Variants in KALRN observed in about 807,000 individuals in gnomAD.
KALRN encodes the protein kalirin RhoGEF kinase.
In KALRN, 70 loss-of-function variants were observed where a neutral mutation model predicts 353.7. That is an observed-to-expected ratio of 0.20 (90% CI 0.16 to 0.24). The LOEUF is 0.24. KALRN is among the 10% of genes least tolerant of loss of function. The pLI is 1.00. For synonymous variants in KALRN, 1,391 were observed against 1,434.8 expected (o/e 0.97, Z 0.69); for missense variants, 2,791 against 3,756.7 (o/e 0.74, Z 6.72).
In KALRN at chr3:124,723,447, T is replaced by A. The variant is rs1419530667; in HGVS notation, c.*3977T>A. ...AGGGAGGACATTAATCTTACAGGAA[T>A]GTTGAGAAATAACCTTGGTGGGGAC... On this transcript the variant is annotated 3_prime_UTR_variant, in exon 60 of 60. Transcript: ENST00000682506. The A allele has an allele frequency of 6.6e-6, 1 of 152,180 alleles. No homozygotes were observed. The highest frequency in any genetic ancestry group is 1.9e-4 in the East Asian group (1 of 5,196). The allele number at this position is 152,180 out of a possible 1,614,324, so 9.4% of individuals were successfully genotyped here. A position where few individuals can be genotyped will look rare whatever the true frequency, so the allele number is the denominator to read the frequency against.
intron 1 of KALRN, among the ~76,000 whole-genome samples, chr3:124,219,329 T>C (rs2077650046): frequency 6.6e-6 from 1 of 152,194 alleles, no homozygotes; most frequent in South Asian, 2.1e-4. Flanking sequence ...CAGATGGTGA[T>C]TGAGCAGTTA....
At chr3:124,676,040 A>C (rs1331533127) in intron 49 of KALRN, among the ~76,000 whole-genome samples, 1 of 152,168 alleles carries the variant, frequency 6.6e-6, no homozygotes, top group Non-Finnish European at 1.5e-5. Context: ...CTTTTAGGTA[A>C]GCCTTGGGAT....
chr3:124,439,196 T>TCACACACA (rs1491034990), intron 18 of KALRN, among the ~76,000 whole-genome samples, 159 bp downstream of exon 18: 2 of 79,234 alleles, frequency 2.5e-5, no homozygotes, highest in African/African-American at 1.0e-4. Context: ...CTTCTCTCTC[T>TCACACACA]CTCTCACACA....
At chr3:124,384,705 G>A (rs2087932349) in intron 10 of KALRN, 140 bp from the exon 11 acceptor site, 5 of 758,134 alleles carry the variant, frequency 6.6e-6, no homozygotes, top group South Asian at 2.4e-5. Context: ...TGCCAGCTCC[G>A]CGCACCGCGC....
intron 8 of KALRN, among the ~76,000 whole-genome samples, chr3:124,331,169 A>G (rs1317375446): frequency 6.6e-6 from 1 of 152,226 alleles, no homozygotes; most frequent in Non-Finnish European, 1.5e-5. Flanking sequence ...AAGGTAATGC[A>G]TGACAATTCA....
In KALRN at chr3:124,430,810, C is replaced by T. The variant is rs79193285; in HGVS notation, c.2829+35C>T. 0.01 allele frequency: 16,079 copies of T among 1,601,736 alleles called. 1,291 individuals carry two copies. The African/African-American group carries it at 0.18, about 18-fold the overall frequency. On this transcript the variant is annotated intron_variant, in intron 16 of 59. Transcript: ENST00000682506. The stretch of plus-strand genomic sequence containing the variant: ...AAATCTGGCTGCACTGTCCTCCCTT[C>T]GCCTTTCTGCTCTGTACCTCAGGCA...
rs1323919334 is a variant in KALRN at position 124,334,915 on chromosome 3, C to T, written c.1647+420C>T. 2.0e-5 allele frequency among the ~76,000 whole-genome samples: 3 copies of T among 152,210 alleles called. No individual in the cohort carries two copies. The highest frequency in any genetic ancestry group is 4.4e-5 in the Non-Finnish European group (3 of 68,040). ...GTTCAAGCGATTCTTGTTCCTCAGC[C>T]TCCCAAGTAGCTGGGATTAACCGCA... On this transcript the variant is annotated intron_variant, in intron 9 of 59. Coordinates refer to ENST00000682506, the MANE Select transcript of KALRN (RefSeq NM_001388419.1). The surrounding 1 kb of genome is among the most constrained non-coding windows in gnomAD (Gnocchi z 4.2).
intron 28 of KALRN, among the ~76,000 whole-genome samples, chr3:124,484,667 A>G (rs1469143414): frequency 1.3e-5 from 2 of 152,238 alleles, no homozygotes; most frequent in East Asian, 3.8e-4. Flanking sequence ...TTTAGATGAC[A>G]GCTGCATAGG....
chr3:124,350,274 C>A (rs1013178875), intron 10 of KALRN, among the ~76,000 whole-genome samples: 3 of 152,230 alleles, frequency 2.0e-5, no homozygotes, highest in African/African-American at 7.2e-5. Context: ...AATGCCTTTC[C>A]ATCAGCGGCA....
chr3:124,539,657 A>G lies in KALRN; in HGVS notation c.4936-23186A>G, dbSNP rs550793712. Among the ~76,000 whole-genome samples, 9 of 152,344 alleles carry G rather than the reference A, an allele frequency of 5.9e-5. No individual in the cohort carries two copies. In the East Asian group the frequency reaches 1.5e-3, roughly 26 times the overall value. ...TAGGAAAACCTGAGAGAAAGAAGGTAGACAAGCCTTGGGTTTTCCAGATTC... is the reference window on the plus strand; with the variant it reads ...TAGGAAAACCTGAGAGAAAGAAGGTGGACAAGCCTTGGGTTTTCCAGATTC... On this transcript the variant is annotated intron_variant, in intron 33 of 59. Coordinates refer to ENST00000682506, the MANE Select transcript of KALRN (RefSeq NM_001388419.1).
chr3:124,105,018 A>G (rs930522486), intron 1 of KALRN, among the ~76,000 whole-genome samples: 7 of 152,214 alleles, frequency 4.6e-5, no homozygotes, highest in Non-Finnish European at 7.3e-5. Context: ...ACTTCTGAGC[A>G]TAAGAGCCTG....
At chr3:124,152,573 T>TTTTCTTTTCTTTTC (rs2068285525) in intron 1 of KALRN, 1 of 29,142 alleles carries the variant, frequency 3.4e-5, no homozygotes, top group African/African-American at 6.7e-5. Flanking sequence ...TTTTCTTTTC[T>TTTTCTTTTCTTTTC]TTTCTTTCTT....
chr3:124,202,094 C>G (rs2075991644), intron 1 of KALRN, among the ~76,000 whole-genome samples: 5 of 152,218 alleles, frequency 3.3e-5, no homozygotes, highest in Admixed American at 6.5e-5. Flanking sequence ...AGCTTCAGAG[C>G]TAGCTCAGGT....
chr3:124,327,027 A>G (rs2079986510), intron 7 of KALRN, among the ~76,000 whole-genome samples: 1 of 152,018 alleles, frequency 6.6e-6, no homozygotes, highest in Admixed American at 6.6e-5. Flanking sequence ...CCTCTTCCCA[A>G]CTCCATGTTG....
intron 10 of KALRN, among the ~76,000 whole-genome samples, chr3:124,383,352 C>T (rs1291278514): frequency 2.6e-5 from 4 of 152,178 alleles, no homozygotes; most frequent in Non-Finnish European, 4.4e-5. Flanking sequence ...TAGATAACAA[C>T]AATTTGTTTT....
At chr3:124,669,406 G>A (rs1578831661) in intron 47 of KALRN, among the ~76,000 whole-genome samples, 1 of 152,192 alleles carries the variant, frequency 6.6e-6, no homozygotes, top group Non-Finnish European at 1.5e-5. Flanking sequence ...ATTAAGTTAT[G>A]CAAATGGAGG....
At chr3:124,558,159 A>G (rs1469194826) in intron 33 of KALRN, among the ~76,000 whole-genome samples, 1 of 152,210 alleles carries the variant, frequency 6.6e-6, no homozygotes, top group Non-Finnish European at 1.5e-5. Flanking sequence ...AATAATGTAT[A>G]TGCATATATA....
chr3:124,137,577 G>T (rs1209694006), intron 1 of KALRN, among the ~76,000 whole-genome samples: 3 of 152,168 alleles, frequency 2.0e-5, no homozygotes, highest in African/African-American at 7.2e-5. Flanking sequence ...CCAAGTGTGA[G>T]GGCTGGGACT....
intron 27 of KALRN, among the ~76,000 whole-genome samples, chr3:124,478,630 C>T (rs1245523976): frequency 6.6e-6 from 1 of 152,350 alleles, no homozygotes; most frequent in East Asian, 1.9e-4. Context: ...GTGCTCCTCT[C>T]ACCTGATATT....
Sources: allele counts gnomAD v4.1 joint callset (sites outside exome capture counted in the v4.1 genomes callset), GRCh38; gene constraint gnomAD v4.1.1; non-coding constraint Gnocchi (gnomAD v3.1); transcripts MANE v1.5; gene names NCBI Gene and HGNC (gene_info 2026-07-23, HGNC 2026-07-21).